The following MUSK variants were observed in gnomAD, a reference collection of about 807,000 sequenced individuals.
The protein encoded by MUSK is muscle, skeletal receptor tyrosine-protein kinase.
In MUSK, 55 loss-of-function variants were observed where a neutral mutation model predicts 88.7. The ratio of observed to expected loss-of-function variants is 0.62; its 90% CI spans 0.50 to 0.78. The LOEUF (loss-of-function observed/expected upper bound fraction) is 0.78. Ranked by LOEUF, MUSK falls within the 30% of genes least tolerant of loss-of-function variation. The pLI is 0.00. For synonymous variants in MUSK, 387 were observed against 391.9 expected, an observed-to-expected ratio of 0.99 and a Z score of 0.15; for missense variants, 1,015 against 1,074.3, an observed-to-expected ratio of 0.94 and a Z score of 0.77.
intron 5 of MUSK, among the ~76,000 whole-genome samples, chr9:110,727,182 T>C (rs1012032601): frequency 5.9e-5 from 9 of 151,856 alleles, no homozygotes; most frequent in African/African-American, 2.2e-4. Flanking sequence ...TTGATGGAGG[T>C]AGGGAAAGTT....
intron 4 of MUSK, 82 bp downstream of exon 4, chr9:110,695,612 AC>A: frequency 8.7e-7 from 1 of 1,150,660 alleles, no homozygotes. Flanking sequence ...TTACACACTT[AC>A]AAACTTCTAG....
chr9:110,675,030 T>C (rs976310952), intron 1 of MUSK, among the ~76,000 whole-genome samples: 15 of 152,148 alleles, frequency 9.9e-5, no homozygotes, highest in Non-Finnish European at 1.8e-4. Flanking sequence ...TGCACAGTGC[T>C]CCATGTGGAC....
chr9:110,699,708 G>A (rs983379677), intron 5 of MUSK, among the ~76,000 whole-genome samples: 1 of 152,090 alleles, frequency 6.6e-6, no homozygotes, highest in African/African-American at 2.4e-5. Context: ...GCAATGATGA[G>A]GACTGAAGAT....
At chr9:110,734,691 G>A (rs2077007179) in intron 6 of MUSK, among the ~76,000 whole-genome samples, 1 of 152,090 alleles carries the variant, frequency 6.6e-6, no homozygotes, top group Non-Finnish European at 1.5e-5. Flanking sequence ...CGAAAGATTA[G>A]TTCCCTGCTA....
chr9:110,689,589 T>C (rs1200478807), intron 3 of MUSK, among the ~76,000 whole-genome samples: 1 of 104,476 alleles, frequency 9.6e-6, no homozygotes, highest in African/African-American at 4.1e-5. Context: ...TTTTACTACA[T>C]AATATATAAC....
chr9:110,790,272 G>A (rs1191283178), intron 14 of MUSK, among the ~76,000 whole-genome samples: 1 of 152,120 alleles, frequency 6.6e-6, no homozygotes, highest in Non-Finnish European at 1.5e-5. Context: ...GTTGGGGGCA[G>A]AGGAAATGTA....
At chr9:110,683,059 T>C (rs2076153020) in intron 2 of MUSK, among the ~76,000 whole-genome samples, 1 of 150,666 alleles carries the variant, frequency 6.6e-6, no homozygotes, top group African/African-American at 2.5e-5. Flanking sequence ...TCTTATCAAA[T>C]AGTAGGACTT....
In MUSK at chr9:110,668,948, T is replaced by C. The variant is rs1425561584; in HGVS notation, c.44T>C (p.Leu15Pro). ...VNIPLVHILT[L>P]VAFSGTEKLP... The stretch of plus-strand genomic sequence containing the variant: ...ATTCCACTGGTACATATTCTTACTC[T>C]GGTTGCCTTCAGCGGAACTGAGAAA... The change falls in exon 1 of 15, where the codon CTG becomes CCG. Residue 15 changes from leucine (L) to proline (P), a missense_variant. Transcript: ENST00000374448. 1 of 1,613,846 alleles carries C rather than the reference T, an allele frequency of 6.2e-7. No homozygotes were observed. Among genetic ancestry groups the C allele is most frequent in the East Asian group, 2.2e-5 (1 of 44,880 alleles).
At position 110,687,747 on chromosome 9, in the gene MUSK, C is replaced by T. The variant is rs116004768; in HGVS notation, c.358+479C>T. On this transcript the variant is annotated intron_variant, in intron 3 of 14. Transcript: ENST00000374448. The stretch of plus-strand genomic sequence containing the variant: ...AACCCTGAGGCCAATTAATCCCACA[C>T]CTCTTATGCCTGCTATCAACCACTA... Among the ~76,000 whole-genome samples the T allele has an allele frequency of 8.6e-3, 1,314 of 152,174 alleles. 19 individuals carry two copies. The highest frequency in any genetic ancestry group is 0.03 in the African/African-American group (1,251 of 41,520).
At chr9:110,690,198 A>AG (rs1564219360) in intron 3 of MUSK, among the ~76,000 whole-genome samples, 837 of 66,926 alleles carry the variant, frequency 0.013, 67 homozygotes, top group African/African-American at 0.045. Context: ...GTATATATAA[A>AG]TATATATAAA....
intron 5 of MUSK, among the ~76,000 whole-genome samples, chr9:110,700,288 A>T (rs2076485097): frequency 6.6e-6 from 1 of 152,220 alleles, no homozygotes; most frequent in African/African-American, 2.4e-5. Flanking sequence ...CTGCCATTTT[A>T]GGAAACAGAG....
intron 11 of MUSK, among the ~76,000 whole-genome samples, chr9:110,783,994 C>T (rs1367949715): frequency 2.0e-5 from 3 of 151,732 alleles, no homozygotes; most frequent in African/African-American, 7.3e-5. Flanking sequence ...TGCACTTTGG[C>T]CATTAAGTAG....
intron 11 of MUSK, among the ~76,000 whole-genome samples, chr9:110,779,009 G>A (rs1055345764): frequency 1.3e-5 from 2 of 151,024 alleles, no homozygotes; most frequent in African/African-American, 4.8e-5. Flanking sequence ...TTTCCATAAT[G>A]ATCAGCTACT....
intron 14 of MUSK, among the ~76,000 whole-genome samples, chr9:110,798,805 T>C (rs1319026421): frequency 6.6e-6 from 1 of 152,262 alleles, no homozygotes; most frequent in East Asian, 1.9e-4. Flanking sequence ...TATACATATA[T>C]AATTGTAAAT....
intron 3 of MUSK, among the ~76,000 whole-genome samples, chr9:110,694,619 C>T (rs966499344): frequency 5.3e-5 from 8 of 152,098 alleles, no homozygotes; most frequent in African/African-American, 1.9e-4. Context: ...CTTGCGAAGT[C>T]CCCCTCTGTA....
intron 5 of MUSK, among the ~76,000 whole-genome samples, chr9:110,702,176 G>A (rs2076537547): frequency 6.6e-6 from 1 of 151,978 alleles, no homozygotes; most frequent in Non-Finnish European, 1.5e-5. Flanking sequence ...TGGGCTAGTT[G>A]TATAACTGAT....
intron 1 of MUSK, among the ~76,000 whole-genome samples, chr9:110,676,358 A>ATG: frequency 7.0e-6 from 1 of 142,562 alleles, no homozygotes; most frequent in East Asian, 2.1e-4. Context: ...ATTATATATT[A>ATG]TATATTATAT....
chr9:110,671,186 G>A (rs904489255), intron 1 of MUSK, among the ~76,000 whole-genome samples: 16 of 152,156 alleles, frequency 1.1e-4, no homozygotes, highest in Middle Eastern at 3.4e-3. Context: ...TGGCCAAGAT[G>A]GTCTCCATCT....
chr9:110,671,670 G>A (rs1405552808), intron 1 of MUSK, among the ~76,000 whole-genome samples: 1 of 152,158 alleles, frequency 6.6e-6, no homozygotes, highest in African/African-American at 2.4e-5. Context: ...GATGAATTCA[G>A]TGCCATAACC....
Sources: allele counts gnomAD v4.1 joint callset (sites outside exome capture counted in the v4.1 genomes callset), GRCh38; gene constraint gnomAD v4.1.1; transcripts MANE v1.5; gene names NCBI Gene and HGNC (gene_info 2026-07-23, HGNC 2026-07-21).